PPP4R3A: variants seen among roughly 807,000 people sequenced by gnomAD.
The protein encoded by PPP4R3A is protein phosphatase 4 regulatory subunit 3A, also known as serine/threonine-protein phosphatase 4 regulatory subunit 3A.
A neutral mutation model predicts 91.7 loss-of-function variants in PPP4R3A; 15 were observed. The ratio of observed to expected loss-of-function variants is 0.16; its 90% CI spans 0.11 to 0.25. The LOEUF is 0.25. Among genes scored for constraint, PPP4R3A ranks in the 10% least tolerant of loss-of-function variants. The pLI is 1.00. For synonymous variants in PPP4R3A, 377 were observed against 348.7 expected, an observed-to-expected ratio of 1.08 and a Z score of -0.91; for missense variants, 623 against 998.4, an observed-to-expected ratio of 0.62 and a Z score of 5.07.
chr14:91,509,980 T>G lies in PPP4R3A; in HGVS notation c.-333A>C. ...CTCGGGGCTCCCGTCACTGCCCTGCTCCCGCCTCCGCCATGATCTCCGCGA... is the reference window on the plus strand; with the variant it reads ...CTCGGGGCTCCCGTCACTGCCCTGCGCCCGCCTCCGCCATGATCTCCGCGA... On this transcript the variant is annotated 5_prime_UTR_variant, in exon 1 of 15. Coordinates refer to ENST00000554943, the MANE Select transcript of PPP4R3A (RefSeq NM_001366432.2). 1.0e-6 allele frequency: 1 copy of G among 1,000,176 alleles called. No homozygotes were observed. The highest frequency in any genetic ancestry group is 1.7e-5 in the African/African-American group (1 of 57,618). 62.0% of individuals were successfully genotyped at this position (1,000,176 alleles called of 1,614,324 possible).
At chr14:91,462,501 C>CTT (rs10718143) in intron 12 of PPP4R3A, among the ~76,000 whole-genome samples, 12 of 139,950 alleles carry the variant, frequency 8.6e-5, no homozygotes, top group African/African-American at 3.2e-4. Context: ...ACTGTTTGGT[C>CTT]TTTTTTTTTT....
In PPP4R3A at chr14:91,493,724, T is replaced by C. The variant is rs185424347; in HGVS notation, c.143-2922A>G. The stretch of plus-strand genomic sequence containing the variant: ...TAGAATAAAAATTGCATTCTATTAT[T>C]CTCCACGGAAATCATAAAGTATATA... On this transcript the variant is annotated intron_variant, in intron 1 of 14. Transcript: ENST00000554943. Among the ~76,000 whole-genome samples the C allele has an allele frequency of 1.8e-3, 277 of 150,772 alleles. 20 individuals carry two copies. Among genetic ancestry groups the C allele is most frequent in the African/African-American group, 6.7e-3 (269 of 40,194 alleles).
intron 12 of PPP4R3A, 148 bp from the exon 13 acceptor site, chr14:91,462,387 T>G: frequency 3.4e-6 from 3 of 886,196 alleles, no homozygotes; most frequent in Non-Finnish European, 4.7e-6. Context: ...TTTAGATTAA[T>G]GTACAAAATT....
chr14:91,481,484 A>C (rs1471658336), intron 4 of PPP4R3A, 92 bp downstream of exon 4: 1 of 1,309,862 alleles, frequency 7.6e-7, no homozygotes, highest in Non-Finnish European at 1.0e-6. Flanking sequence ...TTTATACATT[A>C]ACAAAATTAA....
At chr14:91,472,824 A>ACCAACCAACCAACCAAC (rs142250966) in intron 9 of PPP4R3A, among the ~76,000 whole-genome samples, 5 of 150,402 alleles carry the variant, frequency 3.3e-5, no homozygotes, top group African/African-American at 1.2e-4. Flanking sequence ...TTTGATAAAA[A>ACCAACCAACCAACCAAC]CAACCAACCA....
At position 91,495,402 on chromosome 14, in the gene PPP4R3A, C is replaced by T. The variant is rs1238183363; in HGVS notation, c.143-4600G>A. On this transcript the variant is annotated intron_variant, in intron 1 of 14. Coordinates refer to ENST00000554943, the MANE Select transcript of PPP4R3A (RefSeq NM_001366432.2). ...TGATCTGAGCTCACTGCAGCCTCTG[C>T]CTCCTGGGTTCAAGCAATTCTCCTG... Among the ~76,000 whole-genome samples the T allele has an allele frequency of 2.6e-5, 4 of 151,218 alleles. No homozygotes were observed. In the East Asian group the frequency reaches 7.8e-4, roughly 29 times the overall value.
At chr14:91,494,541 A>G (rs1263229046) in intron 1 of PPP4R3A, among the ~76,000 whole-genome samples, 1 of 152,226 alleles carries the variant, frequency 6.6e-6, no homozygotes, top group Non-Finnish European at 1.5e-5. Flanking sequence ...GATGCTCAGC[A>G]TTAGTCATTA....
Position 91,458,753 on chromosome 14 carries a change from CCATT to C in PPP4R3A, c.*2_*5del. ...AACAGGTACTGATCCTAGGCCGTTG[CCATT>C]ATTATGAATCAAATTTTGCTTTCTT... On this transcript the variant is annotated 3_prime_UTR_variant, in exon 15 of 15. Transcript: ENST00000554943. 1.2e-6 allele frequency: 2 copies of C among 1,613,912 alleles called. No homozygotes were observed. Among genetic ancestry groups the C allele is most frequent in the East Asian group, 2.2e-5 (1 of 44,868 alleles).
rs1422953865 is a variant in PPP4R3A at position 91,460,952 on chromosome 14, G to GTAGATGTTTAATTTTCTTAACAA, written c.2391+406_2391+428dup. The stretch of plus-strand genomic sequence containing the variant: ...TTTCTTATATGAAATGTTAGTGATA[G>GTAGATGTTTAATTTTCTTAACAA]TAGATGTTTAATTTTCTTAACAAAC... On this transcript the variant is annotated intron_variant, in intron 14 of 14. Transcript: ENST00000554943. 3.3e-5 allele frequency among the ~76,000 whole-genome samples: 5 copies of GTAGATGTTTAATTTTCTTAACAA among 152,246 alleles called. No individual in the cohort carries two copies. In the East Asian group the frequency reaches 9.6e-4, roughly 29 times the overall value.
chr14:91,505,404 G>A (rs1891231498), intron 1 of PPP4R3A, among the ~76,000 whole-genome samples: 1 of 149,522 alleles, frequency 6.7e-6, no homozygotes, highest in South Asian at 2.1e-4. Flanking sequence ...GAGCCAAGAT[G>A]ATGCTACTGC....
At chr14:91,463,401 G>T (rs998751378) in intron 11 of PPP4R3A, among the ~76,000 whole-genome samples, 2 of 151,874 alleles carry the variant, frequency 1.3e-5, no homozygotes, top group Admixed American at 1.3e-4. Flanking sequence ...CCCAGGTCTT[G>T]CCCTAGGTGA....
At chr14:91,494,101 A>G (rs1305820347) in intron 1 of PPP4R3A, among the ~76,000 whole-genome samples, 1 of 152,120 alleles carries the variant, frequency 6.6e-6, no homozygotes, top group East Asian at 1.9e-4. Context: ...AAGACACACA[A>G]AAACCTACTT....
At chr14:91,458,891 T>G in intron 14 of PPP4R3A, 22 bp from the exon 15 acceptor site, 2 of 1,571,524 alleles carry the variant, frequency 1.3e-6, no homozygotes, top group Non-Finnish European at 1.7e-6. Context: ...TAAGGATTAT[T>G]TAAAGAACAG....
chr14:91,501,367 T>G (rs1011396036), intron 1 of PPP4R3A, among the ~76,000 whole-genome samples: 2 of 152,178 alleles, frequency 1.3e-5, no homozygotes, highest in Admixed American at 1.3e-4. Context: ...TAGAGTATAT[T>G]GTCCTTATCA....
chr14:91,470,796 C>T (rs773396515), intron 10 of PPP4R3A, 41 bp downstream of exon 10: 34 of 1,584,598 alleles, frequency 2.1e-5, no homozygotes, highest in Non-Finnish European at 8.5e-6. Context: ...AAAATACCAA[C>T]ATGTCAATAT....
Position 91,476,932 on chromosome 14 carries a change from C to A in PPP4R3A, c.970G>T (p.Asp324Tyr). Residue 324 changes from aspartate (D) to tyrosine (Y), a missense_variant, in exon 5 of 15, where the codon GAT becomes TAT. Physicochemically the swap from Asp to Tyr is radical, Grantham distance 160. Around this residue, in one of 5 missense-constraint regions of PPP4R3A, gnomAD observed 264 missense variants for 377.3 expected, o/e 0.70. Transcript: ENST00000554943. ...LFAQLTDEAT[D>Y]EEKRQELVNF... ...ACCAATTCCTGTCTTTTTTCCTCAT[C>A]TGTTGCTTCATCTGTTAGTTGTGCA... is the stretch of plus-strand genomic sequence containing the variant. 1 of 1,600,584 alleles carries A rather than the reference C, an allele frequency of 6.2e-7. No homozygotes were observed. Among genetic ancestry groups the A allele is most frequent in the Non-Finnish European group, 8.5e-7 (1 of 1,172,378 alleles).
At chr14:91,498,178 T>C (rs1171634650) in intron 1 of PPP4R3A, among the ~76,000 whole-genome samples, 1 of 151,984 alleles carries the variant, frequency 6.6e-6, no homozygotes, top group African/African-American at 2.4e-5. Flanking sequence ...CTACTAAAAA[T>C]ATAAAAATTA....
In PPP4R3A at chr14:91,468,667, C is replaced by CAAAAAAAAAAAAAAAAAAAAA. The variant is rs766250846; in HGVS notation, c.1660+2149_1660+2169dup. Among the ~76,000 whole-genome samples the CAAAAAAAAAAAAAAAAAAAAA allele has an allele frequency of 5.3e-4, 24 of 45,042 alleles. 1 individual carries two copies. In the East Asian group the frequency reaches 8.7e-3, roughly 16 times the overall value. 29.5% of individuals were successfully genotyped at this position (45,042 alleles called of 152,430 possible). On this transcript the variant is annotated intron_variant, in intron 10 of 14. Transcript: ENST00000554943. ...AAGGCGACAGAGTGAGACTCCGTCTCAAAAAAAAAAAAAAAAAAAAAAGGA... is the reference window on the plus strand; with the variant it reads ...AAGGCGACAGAGTGAGACTCCGTCTCAAAAAAAAAAAAAAAAAAAAAAAAAAAAAAAAAAAAAAAAAAAGGA...
Position 91,509,639 on chromosome 14 carries a change from G to C in PPP4R3A, c.9C>G (p.Asp3Glu). 6.3e-7 allele frequency: 1 copy of C among 1,597,836 alleles called. No homozygotes were observed. The highest frequency in any genetic ancestry group is 8.5e-7 in the Non-Finnish European group (1 of 1,178,314). MTDTRRRVKVYTL... is the reference protein window; with the variant it reads MTETRRRVKVYTL... ...TGTACACCTTCACCCGCCGCCGGGTGTCGGTCATCGTGCCGCCCGGGAACC... is the reference window on the plus strand; with the variant it reads ...TGTACACCTTCACCCGCCGCCGGGTCTCGGTCATCGTGCCGCCCGGGAACC... Residue 3 changes from aspartate (D) to glutamate (E), a missense_variant, in exon 1 of 15, where the codon GAC (aspartate) becomes GAG (glutamate). Coordinates refer to ENST00000554943, the MANE Select transcript of PPP4R3A (RefSeq NM_001366432.2).
Sources: allele counts gnomAD v4.1 joint callset (sites outside exome capture counted in the v4.1 genomes callset), GRCh38; gene constraint gnomAD v4.1.1; regional missense constraint gnomAD v4.1.1; transcripts MANE v1.5; gene names NCBI Gene and HGNC (gene_info 2026-07-23, HGNC 2026-07-21).